Variants in ZBTB16 observed in about 807,000 individuals in gnomAD.
ZBTB16 encodes zinc finger and BTB domain-containing protein 16.
A neutral mutation model predicts 56.8 loss-of-function variants in ZBTB16; 8 were observed. The ratio of observed to expected loss-of-function variants is 0.14; its 90% CI spans 0.08 to 0.25. The LOEUF is 0.25. ZBTB16 is among the 10% of genes least tolerant of loss of function. The pLI is 1.00. For missense variants in ZBTB16, 625 were observed against 903.0 expected, an observed-to-expected ratio of 0.69 and a Z score of 3.95; for synonymous variants, 363 against 368.5, an observed-to-expected ratio of 0.98 and a Z score of 0.17.
intron 2 of ZBTB16, among the ~76,000 whole-genome samples, chr11:114,139,627 G>A (rs1377526284): frequency 3.5e-5 from 1 of 28,928 alleles, no homozygotes; most frequent in Non-Finnish European, 5.5e-5. Flanking sequence ...CGCGGTCCAC[G>A]TGTGTGTGTG....
At chr11:114,236,171 T>C (rs988956864) in intron 4 of ZBTB16, among the ~76,000 whole-genome samples, 16 of 152,224 alleles carry the variant, frequency 1.1e-4, no homozygotes, top group African/African-American at 3.6e-4. Flanking sequence ...TATATCTGAT[T>C]TACATTGAAA....
intron 2 of ZBTB16, among the ~76,000 whole-genome samples, chr11:114,122,922 G>A (rs140102785): frequency 1.2e-3 from 185 of 152,268 alleles, no homozygotes; most frequent in African/African-American, 4.2e-3. Context: ...CAGACTGGGT[G>A]GCTCAAACAA....
intron 4 of ZBTB16, among the ~76,000 whole-genome samples, chr11:114,232,083 G>T (rs557503381): frequency 1.3e-5 from 2 of 152,236 alleles, no homozygotes; most frequent in East Asian, 3.9e-4. Flanking sequence ...GAAGATCCTG[G>T]CCTGCCCTTT....
intron 2 of ZBTB16, among the ~76,000 whole-genome samples, chr11:114,069,969 A>G (rs1027545013): frequency 6.6e-6 from 1 of 152,202 alleles, no homozygotes; most frequent in Non-Finnish European, 1.5e-5. Context: ...ATGTGAGGCT[A>G]TATTTATCCT....
At chr11:114,128,667 G>C (rs1171231072) in intron 2 of ZBTB16, among the ~76,000 whole-genome samples, 4 of 152,198 alleles carry the variant, frequency 2.6e-5, no homozygotes, top group Admixed American at 2.0e-4. Context: ...GTTTGGAGGA[G>C]ACTTGTAATC....
In ZBTB16 at chr11:114,143,277, A is replaced by T. The variant is rs1362237618; in HGVS notation, c.1269-13060A>T. 6.6e-6 allele frequency among the ~76,000 whole-genome samples: 1 copy of T among 152,180 alleles called. No homozygotes were observed. Among genetic ancestry groups the T allele is most frequent in the Non-Finnish European group, 1.5e-5 (1 of 68,032 alleles). On this transcript the variant is annotated intron_variant, in intron 2 of 6. Transcript: ENST00000335953. This position sits in a 1 kb window ranked among gnomAD's most constrained non-coding sequence, Gnocchi z 6.4. ...CATCCACTAATGCTGTGCCCTTTGC[A>T]AGGCTTGAGAATACAAGATGAATGA...
chr11:114,150,375 C>G (rs1167835683), intron 2 of ZBTB16, among the ~76,000 whole-genome samples: 2 of 152,148 alleles, frequency 1.3e-5, no homozygotes, highest in African/African-American at 4.8e-5. Context: ...TGGCTCATGC[C>G]TGTAATTTCA....
chr11:114,219,485 G>A (rs1944180020), intron 4 of ZBTB16, among the ~76,000 whole-genome samples: 1 of 152,062 alleles, frequency 6.6e-6, no homozygotes, highest in South Asian at 2.1e-4. Flanking sequence ...GAGTGGGATG[G>A]GAAGCATCTT....
At chr11:114,103,542 T>C (rs527667164) in intron 2 of ZBTB16, among the ~76,000 whole-genome samples, 6 of 152,028 alleles carry the variant, frequency 3.9e-5, no homozygotes, top group Non-Finnish European at 8.8e-5. Flanking sequence ...GGTGGAATCT[T>C]TTTTCTCTTT....
chr11:114,096,657 G>A (rs75768555), intron 2 of ZBTB16, among the ~76,000 whole-genome samples: 1 of 152,214 alleles, frequency 6.6e-6, no homozygotes, highest in African/African-American at 2.4e-5. Flanking sequence ...CTTTATTAAG[G>A]TGCATTTCTG....
intron 2 of ZBTB16, among the ~76,000 whole-genome samples, chr11:114,128,445 G>A (rs1941573219): frequency 6.6e-6 from 1 of 152,198 alleles, no homozygotes; most frequent in African/African-American, 2.4e-5. Flanking sequence ...TTGAATCCGA[G>A]CTCCAACACT....
At chr11:114,166,401 G>A (rs538122504) in intron 3 of ZBTB16, among the ~76,000 whole-genome samples, 1 of 152,168 alleles carries the variant, frequency 6.6e-6, no homozygotes, top group Non-Finnish European at 1.5e-5. Flanking sequence ...ACTTGTTGGA[G>A]GGTATGGAAA....
Position 114,143,395 on chromosome 11 carries a change from A to G in ZBTB16, c.1269-12942A>G, listed in dbSNP as rs998879495. Among the ~76,000 whole-genome samples, 5 of 151,944 alleles carry G rather than the reference A, an allele frequency of 3.3e-5. No individual in the cohort carries two copies. Among genetic ancestry groups the G allele is most frequent in the Non-Finnish European group, 7.4e-5 (5 of 67,976 alleles). ...TAGTGAGTACATCTGCTCCAACAGA[A>G]ACACACTTAAAAGACAGAGGCTGGG... On this transcript the variant is annotated intron_variant, in intron 2 of 6. Transcript: ENST00000335953. The surrounding 1 kb of genome is among the most constrained non-coding windows in gnomAD (Gnocchi z 6.4).
chr11:114,091,550 T>C (rs1227988218), intron 2 of ZBTB16, among the ~76,000 whole-genome samples: 1 of 151,892 alleles, frequency 6.6e-6, no homozygotes, highest in African/African-American at 2.4e-5. Flanking sequence ...TGGTTGCCAC[T>C]TCTGGCCTTC....
chr11:114,234,580 A>G (rs1381078686), intron 4 of ZBTB16, among the ~76,000 whole-genome samples: 1 of 152,214 alleles, frequency 6.6e-6, no homozygotes, highest in Non-Finnish European at 1.5e-5. Context: ...CCCAAGAGGA[A>G]AACCAGAGAA....
intron 4 of ZBTB16, chr11:114,237,247 G>A (rs193073664): frequency 6.6e-5 from 10 of 152,342 alleles, no homozygotes; most frequent in East Asian, 1.9e-4. Flanking sequence ...AAGTTTTTTC[G>A]TGTGGATATC....
At chr11:114,166,989 C>G (rs11601706) in intron 3 of ZBTB16, among the ~76,000 whole-genome samples, 1 of 152,104 alleles carries the variant, frequency 6.6e-6, no homozygotes, top group South Asian at 2.1e-4. Flanking sequence ...TCATAACTGT[C>G]TCTTTCACTT....
At chr11:114,177,402 C>T (rs148891808) in intron 3 of ZBTB16, among the ~76,000 whole-genome samples, 30 of 152,300 alleles carry the variant, frequency 2.0e-4, no homozygotes, top group African/African-American at 6.3e-4. Flanking sequence ...AGGCATGTGC[C>T]ACCATGCCCG....
chr11:114,172,393 C>A (rs1022134840), intron 3 of ZBTB16, among the ~76,000 whole-genome samples: 1 of 152,166 alleles, frequency 6.6e-6, no homozygotes, highest in South Asian at 2.1e-4. Context: ...TGCTTTACTT[C>A]GTCATCTCAT....
Sources: gnomAD v4.1 joint callset for allele counts (sites outside exome capture counted in the v4.1 genomes callset) on GRCh38, gnomAD v4.1.1 for gene constraint, Gnocchi (gnomAD v3.1) non-coding constraint, MANE v1.5 for transcripts, NCBI Gene and HGNC (gene_info 2026-07-23, HGNC 2026-07-21) for gene names.